The following HEATR4 variants were observed in gnomAD, a reference collection of about 807,000 sequenced individuals.
HEATR4 encodes HEAT repeat-containing protein 4.
Under a neutral mutation model 108.8 loss-of-function variants are expected in HEATR4, and 95 were observed. The ratio of observed to expected loss-of-function variants is 0.87; its 90% CI spans 0.74 to 1.04. The LOEUF (loss-of-function observed/expected upper bound fraction) is 1.04, where lower values mean the gene tolerates loss of function less well. HEATR4 is among the 50% of genes least tolerant of loss of function. The pLI is 0.00. For missense variants in HEATR4, 1,152 were observed against 1,253.8 expected, an observed-to-expected ratio of 0.92 and a Z score of 1.23; for synonymous variants, 443 against 459.4, an observed-to-expected ratio of 0.96 and a Z score of 0.46.
intron 17 of HEATR4, among the ~76,000 whole-genome samples, chr14:73,486,501 C>A (rs1391650776): frequency 6.6e-6 from 1 of 151,948 alleles, no homozygotes; most frequent in East Asian, 1.9e-4. Context: ...AGTTCAAGAC[C>A]AGCTTGACCA....
chr14:73,620,544 T>C, the HEATR4 span, among the ~76,000 whole-genome samples: 1 of 152,054 alleles, frequency 6.6e-6, no homozygotes, highest in Non-Finnish European at 1.5e-5. Flanking sequence ...GCCCACTCGA[T>C]TGCCTTAAGG....
intron 11 of HEATR4, among the ~76,000 whole-genome samples, chr14:73,501,890 A>C (rs1886487648): frequency 6.6e-6 from 1 of 151,906 alleles, no homozygotes; most frequent in African/African-American, 2.4e-5. Flanking sequence ...AATAGCTGGG[A>C]CTACAGGCGC....
chr14:73,626,281 C>CA, the HEATR4 span, among the ~76,000 whole-genome samples: 169 of 151,664 alleles, frequency 1.1e-3, 3 homozygotes, highest in South Asian at 0.032. Context: ...AAGAAAATCG[C>CA]AAAAAAAATC....
At chr14:73,613,181 A>G in the HEATR4 span, 1 of 459,066 alleles carries the variant, frequency 2.2e-6, no homozygotes, top group South Asian at 4.8e-5. Flanking sequence ...GCTGTTGCCC[A>G]GGCTGGAGTG....
intron 1 of HEATR4, among the ~76,000 whole-genome samples, chr14:73,553,889 C>T (rs1889361487): frequency 8.7e-6 from 1 of 115,120 alleles, no homozygotes; most frequent in Admixed American, 9.8e-5. Flanking sequence ...AAAGTTTCAC[C>T]CAACCTAAAC....
chr14:73,578,752 G>C, the HEATR4 span, among the ~76,000 whole-genome samples: 2 of 151,214 alleles, frequency 1.3e-5, no homozygotes, highest in African/African-American at 4.9e-5. Context: ...TCAGGAGTTC[G>C]AGACCAGCCT....
chr14:73,577,155 T>C, the HEATR4 span, among the ~76,000 whole-genome samples: 2 of 151,830 alleles, frequency 1.3e-5, no homozygotes, highest in East Asian at 3.9e-4. Flanking sequence ...TAGCCTTGAA[T>C]TACCGAGCTC....
chr14:73,559,324 G>A (rs1208950197), upstream of HEATR4, among the ~76,000 whole-genome samples: 1 of 151,190 alleles, frequency 6.6e-6, no homozygotes, highest in Non-Finnish European at 1.5e-5. Context: ...TCACCATGTT[G>A]GACAGGCTGT....
Position 73,524,310 on chromosome 14 carries a change from A to AAAAAAAATATATATATAT in HEATR4, c.-72-1087_-72-1086insATATATATATATTTTTTT. On this transcript the variant is annotated intron_variant, in intron 2 of 17. Coordinates refer to ENST00000553558, the MANE Select transcript of HEATR4 (RefSeq NM_001220484.1). ...CTCCGTCTCAAAAAAAAAAAAAAAAAATATATATATATATATATATATATA... is the reference window on the plus strand; with the variant it reads ...CTCCGTCTCAAAAAAAAAAAAAAAAAAAAAAAATATATATATATATATATATATATATATATATATATA... Among the ~76,000 whole-genome samples, 6 of 54,778 alleles carry AAAAAAAATATATATATAT rather than the reference A, an allele frequency of 1.1e-4. No homozygotes were observed. In the South Asian group the frequency reaches 2.4e-3, roughly 22 times the overall value. The allele number at this position is 54,778 out of a possible 152,430, so 35.9% of individuals were successfully genotyped here. A position where few individuals can be genotyped will look rare whatever the true frequency, so the allele number is the denominator to read the frequency against.
chr14:73,519,023 A>C lies in HEATR4; in HGVS notation c.1210T>G (p.Ser404Ala), dbSNP rs200376408. Residue 404 changes from serine to alanine, a missense_variant and splice_region_variant, in exon 5 of 18, where the codon TCT becomes GCT. Ser to Ala is a moderately conservative substitution (Grantham distance 99). Transcript: ENST00000553558. The part of the protein sequence containing the change: ...KWSAQAIPEA[S>A]YRPVQGALRW... The stretch of plus-strand genomic sequence containing the variant: ...CCTTCCCTGTTAGCTTCCTGCTTAC[A>C]TGCTTCAGGAATTGCCTGGGCACTC... The C allele has an allele frequency of 2.7e-5, 44 of 1,611,616 alleles. No individual in the cohort carries two copies. The highest frequency in any genetic ancestry group is 3.6e-5 in the Non-Finnish European group (43 of 1,178,874).
chr14:73,592,182 C>G, the HEATR4 span: 1 of 1,607,694 alleles, frequency 6.2e-7, no homozygotes, highest in Non-Finnish European at 8.5e-7. Flanking sequence ...CTTCGCGGGA[C>G]TCGAGCCCAT....
the HEATR4 span, among the ~76,000 whole-genome samples, chr14:73,620,983 C>G: frequency 6.6e-6 from 1 of 151,896 alleles, no homozygotes; most frequent in Non-Finnish European, 1.5e-5. Flanking sequence ...GCGTGTGGAT[C>G]ACCTGAGGTC....
chr14:73,569,159 G>C, the HEATR4 span: 1 of 1,529,802 alleles, frequency 6.5e-7, no homozygotes, highest in East Asian at 2.3e-5. Flanking sequence ...TGGCTGATCG[G>C]CTGGACTCTG....
chr14:73,627,570 C>T, the HEATR4 span, among the ~76,000 whole-genome samples: 21,715 of 152,180 alleles, frequency 0.14, 2,185 homozygotes, highest in Non-Finnish European at 0.22. Context: ...TTACAAGTGA[C>T]ACCGATAAGG....
At chr14:73,535,685 T>C (rs1888846040) in intron 1 of HEATR4, among the ~76,000 whole-genome samples, 1 of 111,746 alleles carries the variant, frequency 8.9e-6, no homozygotes, top group Non-Finnish European at 1.9e-5. Context: ...TTCACTGTGT[T>C]AGCCAGGATG....
chr14:73,570,548 GAC>G, the HEATR4 span, among the ~76,000 whole-genome samples: 1 of 151,744 alleles, frequency 6.6e-6, no homozygotes. Flanking sequence ...CAGCCTGGGC[GAC>G]AGAGCGAGAC....
At chr14:73,500,284 T>C (rs1484329713) in intron 12 of HEATR4, among the ~76,000 whole-genome samples, 1 of 151,936 alleles carries the variant, frequency 6.6e-6, no homozygotes, top group African/African-American at 2.4e-5. Flanking sequence ...CGGACCTTTT[T>C]TTTTTTTTTT....
the HEATR4 span, among the ~76,000 whole-genome samples, chr14:73,572,912 C>A: frequency 6.6e-6 from 1 of 151,012 alleles, no homozygotes; most frequent in South Asian, 2.1e-4. Flanking sequence ...TCCCAAAGTG[C>A]TGGGGTTACA....
the HEATR4 span, among the ~76,000 whole-genome samples, chr14:73,579,721 C>G: frequency 6.6e-6 from 1 of 151,812 alleles, no homozygotes; most frequent in East Asian, 1.9e-4. Context: ...ACCTGGCCAT[C>G]ATGAATAATT....
Sources: allele counts gnomAD v4.1 joint callset (sites outside exome capture counted in the v4.1 genomes callset), GRCh38; gene constraint gnomAD v4.1.1; transcripts MANE v1.5; gene names NCBI Gene and HGNC (gene_info 2026-07-23, HGNC 2026-07-21).